PLOD1: variants seen among roughly 807,000 people sequenced by gnomAD.
The protein encoded by PLOD1 is procollagen-lysine,2-oxoglutarate 5-dioxygenase 1.
In PLOD1, 70 loss-of-function variants were observed where a neutral mutation model predicts 94.7. The ratio of observed to expected loss-of-function variants is 0.74; its 90% CI spans 0.61 to 0.90. PLOD1 has a LOEUF of 0.90. PLOD1 is among the 40% of genes least tolerant of loss of function. PLOD1 has a pLI of 0.00. For synonymous variants in PLOD1, 417 were observed against 400.2 expected, an observed-to-expected ratio of 1.04 and a Z score of -0.50; for missense variants, 905 against 972.7, an observed-to-expected ratio of 0.93 and a Z score of 0.93.
intron 1 of PLOD1, among the ~76,000 whole-genome samples, chr1:11,941,236 G>GTTTTGCT (rs1343041949): frequency 5.9e-5 from 9 of 152,064 alleles, no homozygotes; most frequent in Non-Finnish European, 1.3e-4. Flanking sequence ...TTGTTTGTTT[G>GTTTTGCT]TTTTGTTTTT....
Position 11,970,119 on chromosome 1 carries a change from C to T in PLOD1, c.1756-551C>T, listed in dbSNP as rs575739924. 5.5e-3 allele frequency among the ~76,000 whole-genome samples: 832 copies of T among 150,524 alleles called. 9 individuals are homozygous for T. Among genetic ancestry groups the T allele is most frequent in the African/African-American group, 0.019 (791 of 40,912 alleles). On this transcript the variant is annotated intron_variant, in intron 16 of 18. Transcript: ENST00000196061. ...AAAAAAAATTAGCCAGGCATGGTGG[C>T]GCACGCCTGTAATCCCAGCTACTCG...
chr1:11,966,502 T>G (rs1569727426), intron 15 of PLOD1, 186 bp downstream of exon 15: 5 of 8,498 alleles, frequency 5.9e-4, no homozygotes, highest in East Asian at 4.2e-3. Flanking sequence ...GGCGGCGGGA[T>G]GGGAGTGGGG....
chr1:11,950,267 G>T (rs1421872294), intron 3 of PLOD1, 90 bp from the exon 4 acceptor site: 2 of 1,286,566 alleles, frequency 1.6e-6, no homozygotes, highest in African/African-American at 2.9e-5. Context: ...CATTTGTGGA[G>T]CACTTGATCC....
intron 16 of PLOD1, among the ~76,000 whole-genome samples, chr1:11,967,955 ATTT>A (rs550083636): frequency 1.4e-5 from 2 of 138,984 alleles, no homozygotes; most frequent in Non-Finnish European, 1.6e-5. Flanking sequence ...GTGTGTGTAA[ATTT>A]TTTTTTTTTT....
intron 16 of PLOD1, among the ~76,000 whole-genome samples, chr1:11,968,218 T>A (rs1645835406): frequency 1.3e-5 from 2 of 152,028 alleles, no homozygotes; most frequent in Admixed American, 1.3e-4. Context: ...CCTCCCAAAT[T>A]GCTGGGATTA....
rs1302060334 is a variant in PLOD1 at position 11,975,490 on chromosome 1, A to T, written c.*682A>T. 6.4e-6 allele frequency: 1 copy of T among 155,912 alleles called. No homozygotes were observed. The highest frequency in any genetic ancestry group is 1.4e-5 in the Non-Finnish European group (1 of 70,248). 9.7% of individuals were successfully genotyped at this position (155,912 alleles called of 1,614,324 possible). A position where few individuals can be genotyped will look rare whatever the true frequency, so the allele number is the denominator to read the frequency against. ...GTCCTGGATGCCTCTGAAGAGAGGG[A>T]CAGACCGTCAGAAACTGGAGAGTTT... is the stretch of plus-strand genomic sequence containing the variant. On this transcript the variant is annotated 3_prime_UTR_variant, in exon 19 of 19. Coordinates refer to ENST00000196061, the MANE Select transcript of PLOD1 (RefSeq NM_000302.4).
intron 18 of PLOD1, among the ~76,000 whole-genome samples, chr1:11,973,299 A>C (rs1465458966): frequency 1.3e-5 from 2 of 152,196 alleles, no homozygotes; most frequent in Non-Finnish European, 2.9e-5. Context: ...CAGGAGTTTG[A>C]GACCAGCCTG....
intron 2 of PLOD1, among the ~76,000 whole-genome samples, chr1:11,948,402 G>A (rs1024818475): frequency 1.3e-5 from 2 of 152,116 alleles, no homozygotes; most frequent in Non-Finnish European, 2.9e-5. Flanking sequence ...GGATGGGCAC[G>A]GTCTAGACAT....
chr1:11,964,025 A>G, intron 11 of PLOD1, 150 bp from the exon 12 acceptor site: 1 of 853,282 alleles, frequency 1.2e-6, no homozygotes, highest in Non-Finnish European at 2.0e-6. Flanking sequence ...AACCCCCGAC[A>G]CCCCGGCCAA....
intron 5 of PLOD1, chr1:11,954,340 G>C: frequency 7.6e-6 from 2 of 261,684 alleles, no homozygotes; most frequent in South Asian, 3.5e-5. Context: ...AAAAAAATTA[G>C]CTGGGTATGG....
At chr1:11,935,005 G>A in intron 1 of PLOD1, 150 bp downstream of exon 1, 1 of 1,048,726 alleles carries the variant, frequency 9.5e-7, no homozygotes, top group Non-Finnish European at 1.3e-6. Flanking sequence ...CTGGTGACTT[G>A]AACAAATCAC....
chr1:11,967,334 T>G (rs1645825954), intron 16 of PLOD1, among the ~76,000 whole-genome samples: 1 of 151,962 alleles, frequency 6.6e-6, no homozygotes, highest in Non-Finnish European at 1.5e-5. Context: ...CGTAAGCTAC[T>G]AGGTTTTCAG....
Position 11,957,052 on chromosome 1 carries a change from GC to G in PLOD1, c.741+40del. The G allele has an allele frequency of 7.6e-7, 1 of 1,317,114 alleles. No individual in the cohort carries two copies. Among genetic ancestry groups the G allele is most frequent in the Non-Finnish European group, 1.1e-6 (1 of 908,902 alleles). 81.6% of individuals were successfully genotyped at this position (1,317,114 alleles called of 1,614,324 possible). A position where few individuals can be genotyped will look rare whatever the true frequency, so the allele number is the denominator to read the frequency against. On this transcript the variant is annotated intron_variant, in intron 7 of 18. Coordinates refer to ENST00000196061, the MANE Select transcript of PLOD1 (RefSeq NM_000302.4). The surrounding 1 kb of genome is among the most constrained non-coding windows in gnomAD (Gnocchi z 4.1). ...CAGCCCCTGGGGAGTGTGGGAGGGG[GC>G]CAGAGCCCTAATTTCATTCTCACTG...
intron 1 of PLOD1, among the ~76,000 whole-genome samples, chr1:11,942,769 C>G (rs893476582): frequency 2.0e-5 from 3 of 152,102 alleles, no homozygotes; most frequent in African/African-American, 7.2e-5. Context: ...TCAGAAATCA[C>G]CTGGGAAAGG....
At chr1:11,935,262 G>A (rs1327248766) in intron 1 of PLOD1, among the ~76,000 whole-genome samples, 1 of 152,122 alleles carries the variant, frequency 6.6e-6, no homozygotes, top group African/African-American at 2.4e-5. Context: ...ACTTGCCCAA[G>A]ATCATACAAC....
intron 9 of PLOD1, among the ~76,000 whole-genome samples, 194 bp from the exon 10 acceptor site, chr1:11,960,452 C>A (rs1187146689): frequency 6.6e-6 from 1 of 152,152 alleles, no homozygotes; most frequent in African/African-American, 2.4e-5. Context: ...GGAGAATGGG[C>A]AAAGGATGGC....
Position 11,949,899 on chromosome 1 carries a change from G to A in PLOD1, c.295G>A (p.Ala99Thr), listed in dbSNP as rs7551175. Residue 99 changes from alanine to threonine, a missense_variant, in exon 3 of 19, where the codon GCA becomes ACA. Physicochemically the swap from Ala to Thr is moderately conservative, Grantham distance 58. Transcript: ENST00000196061. ...CAAGGAGGATCTGGTCATTCTCTTC[G>A]CAGACAGGTAGGTGGGTCAGGGCTT... is the stretch of plus-strand genomic sequence containing the variant. ...ADKEDLVILF[A>T]DSYDVLFASG... 282,760 of 1,613,404 alleles carry A rather than the reference G, an allele frequency of 0.18. 31,170 individuals are homozygous for A. Among genetic ancestry groups the A allele is most frequent in the African/African-American group, 0.54 (40,681 of 74,898 alleles).
chr1:11,939,642 C>T (rs186402686), intron 1 of PLOD1, among the ~76,000 whole-genome samples: 99 of 152,242 alleles, frequency 6.5e-4, no homozygotes, highest in African/African-American at 2.3e-3. Context: ...GATGGAGTCT[C>T]GCTCACCTAG....
Position 11,963,746 on chromosome 1 carries a change from CTTTTTCCTT to C in PLOD1, c.1202+111_1202+119del. The C allele has an allele frequency of 2.8e-6, 2 of 724,084 alleles. No homozygotes were observed. The allele number at this position is 724,084 out of a possible 1,614,324, so 44.9% of individuals were successfully genotyped here. A position where few individuals can be genotyped will look rare whatever the true frequency, so the allele number is the denominator to read the frequency against. On this transcript the variant is annotated intron_variant, in intron 11 of 18. Transcript: ENST00000196061. This position sits in a 1 kb window ranked among gnomAD's most constrained non-coding sequence, Gnocchi z 4.3. ...TCCTCATCCACCTCCTCTTCCTCCT[CTTTTTCCTT>C]CTCCTGCTCCTCTTTCTCCTCCTCG...
Sources: gnomAD v4.1 joint callset for allele counts (sites outside exome capture counted in the v4.1 genomes callset) on GRCh38, gnomAD v4.1.1 for gene constraint, Gnocchi (gnomAD v3.1) non-coding constraint, MANE v1.5 for transcripts, NCBI Gene and HGNC (gene_info 2026-07-23, HGNC 2026-07-21) for gene names.